Variants in SEMA3E observed in about 807,000 individuals in gnomAD.
The protein encoded by SEMA3E is semaphorin-3E.
In SEMA3E, 49 loss-of-function variants were observed where a neutral mutation model predicts 93.6. The ratio of observed to expected loss-of-function variants is 0.52; its 90% confidence interval spans 0.42 to 0.66. The LOEUF (loss-of-function observed/expected upper bound fraction) is 0.66. SEMA3E is among the 30% of genes least tolerant of loss of function. The pLI is 0.00. For synonymous variants in SEMA3E, 363 were observed against 330.7 expected, an observed-to-expected ratio of 1.10 and a Z score of -1.06; for missense variants, 906 against 964.8, an observed-to-expected ratio of 0.94 and a Z score of 0.81.
chr7:83,468,765 A>T (rs1231812631), intron 3 of SEMA3E, among the ~76,000 whole-genome samples: 1 of 152,188 alleles, frequency 6.6e-6, no homozygotes, highest in Non-Finnish European at 1.5e-5. Context: ...ACAGAAAGAG[A>T]GAATAATGCT....
chr7:83,386,840 CAT>C, intron 15 of SEMA3E, 141 bp downstream of exon 15: 1 of 773,020 alleles, frequency 1.3e-6, no homozygotes, highest in South Asian at 1.8e-5. Flanking sequence ...ATTTTAACTA[CAT>C]GTCAGAGAAA....
chr7:83,610,105 G>T (rs1351290874), intron 1 of SEMA3E, among the ~76,000 whole-genome samples: 1 of 151,982 alleles, frequency 6.6e-6, no homozygotes, highest in African/African-American at 2.4e-5. Flanking sequence ...TAAAGCACAA[G>T]ACTTTATTAA....
At chr7:83,528,735 C>A (rs1274862084) in intron 1 of SEMA3E, among the ~76,000 whole-genome samples, 3 of 151,996 alleles carry the variant, frequency 2.0e-5, no homozygotes, top group Admixed American at 1.3e-4. Flanking sequence ...ATCTAGTTAA[C>A]ATAATTAGGG....
intron 1 of SEMA3E, among the ~76,000 whole-genome samples, chr7:83,625,084 A>G (rs908822769): frequency 6.6e-6 from 1 of 152,140 alleles, no homozygotes; most frequent in African/African-American, 2.4e-5. Flanking sequence ...ATTGGCCTAC[A>G]TATCTGTTTT....
chr7:83,465,391 G>A (rs1378963538), intron 4 of SEMA3E, among the ~76,000 whole-genome samples: 1 of 152,044 alleles, frequency 6.6e-6, no homozygotes, highest in African/African-American at 2.4e-5. Context: ...TGAAACTAAT[G>A]ATAAAATCTC....
chr7:83,611,648 C>T (rs1793269883), intron 1 of SEMA3E, among the ~76,000 whole-genome samples: 1 of 151,704 alleles, frequency 6.6e-6, no homozygotes, highest in African/African-American at 2.4e-5. Context: ...AATCTACTGG[C>T]AAAGCCCATC....
At chr7:83,399,964 T>C (rs2255906) in intron 11 of SEMA3E, 64 bp downstream of exon 11, 4 of 1,235,182 alleles carry the variant, frequency 3.2e-6, no homozygotes, top group Non-Finnish European at 4.8e-6. Flanking sequence ...TTTAGAAATA[T>C]TATTAAAATT....
chr7:83,371,523 T>C (rs981948294), intron 16 of SEMA3E: 2 of 152,204 alleles, frequency 1.3e-5, no homozygotes, highest in East Asian at 1.9e-4. Flanking sequence ...TTAATTTTGG[T>C]TCAATATTTT....
At chr7:83,508,555 C>T (rs1790750533) in intron 1 of SEMA3E, among the ~76,000 whole-genome samples, 2 of 152,108 alleles carry the variant, frequency 1.3e-5, no homozygotes, top group Admixed American at 1.3e-4. Flanking sequence ...AGCCACTGCG[C>T]CTGGCTTATA....
intron 1 of SEMA3E, among the ~76,000 whole-genome samples, chr7:83,545,564 A>AG (rs1393600806): frequency 0.11 from 15,569 of 147,796 alleles, 957 homozygotes; most frequent in East Asian, 0.19. Flanking sequence ...AAAAAAAAAA[A>AG]AAAAAGAAAT....
chr7:83,427,340 T>G (rs1788793635), intron 4 of SEMA3E, among the ~76,000 whole-genome samples: 1 of 152,188 alleles, frequency 6.6e-6, no homozygotes, highest in African/African-American at 2.4e-5. Context: ...TGATCTTTTG[T>G]TCCATGGTTT....
intron 1 of SEMA3E, among the ~76,000 whole-genome samples, chr7:83,632,027 T>G (rs1793795382): frequency 6.6e-6 from 1 of 151,862 alleles, no homozygotes; most frequent in African/African-American, 2.4e-5. Context: ...TGGTGGTACG[T>G]GCCTGTAATC....
intron 16 of SEMA3E, among the ~76,000 whole-genome samples, chr7:83,378,094 AC>A (rs2116906157): frequency 6.6e-6 from 1 of 151,952 alleles, no homozygotes; most frequent in African/African-American, 2.4e-5. Flanking sequence ...TGATTTATAC[AC>A]CCTTCATAGA....
rs546843867 is a variant in SEMA3E, at chr7:83,398,869, G to A, written c.1366+1159C>T. 2.2e-4 allele frequency among the ~76,000 whole-genome samples: 33 copies of A among 152,202 alleles called. No individual in the cohort carries two copies. In the East Asian group the frequency reaches 4.7e-3, roughly 22 times the overall value. ...TGAAGCAGGAGAATCGCTTGAGCCC[G>A]GGAGGCAGAGTTTGCAGTGAGCCAA... On this transcript the variant is annotated intron_variant, in intron 11 of 16. Transcript: ENST00000643230.
At chr7:83,423,373 C>T (rs1348249286) in intron 4 of SEMA3E, among the ~76,000 whole-genome samples, 1 of 152,098 alleles carries the variant, frequency 6.6e-6, no homozygotes, top group Non-Finnish European at 1.5e-5. Context: ...CACTTTTCTC[C>T]AGAAGACTTC....
intron 4 of SEMA3E, among the ~76,000 whole-genome samples, chr7:83,457,114 T>C (rs1220218538): frequency 6.6e-6 from 1 of 152,126 alleles, no homozygotes; most frequent in Non-Finnish European, 1.5e-5. Context: ...TTTCTCTGAG[T>C]GCTCATGACA....
chr7:83,535,711 T>C (rs578026547), intron 1 of SEMA3E, among the ~76,000 whole-genome samples: 1 of 152,286 alleles, frequency 6.6e-6, no homozygotes, highest in African/African-American at 2.4e-5. Flanking sequence ...TACTTTAATA[T>C]TTTATTTTCT....
At chr7:83,619,170 AT>A (rs1793491950) in intron 1 of SEMA3E, among the ~76,000 whole-genome samples, 1 of 151,822 alleles carries the variant, frequency 6.6e-6, no homozygotes, top group Admixed American at 6.6e-5. Flanking sequence ...CTTATTATGT[AT>A]TAAATTTATG....
intron 14 of SEMA3E, among the ~76,000 whole-genome samples, chr7:83,391,902 A>T (rs1038942193): frequency 6.6e-6 from 1 of 152,084 alleles, no homozygotes; most frequent in East Asian, 1.9e-4. Context: ...TTATTCTGTA[A>T]GAAATAAAAA....
Sources: gnomAD v4.1 joint callset for allele counts (sites outside exome capture counted in the v4.1 genomes callset) on GRCh38, gnomAD v4.1.1 for gene constraint, MANE v1.5 for transcripts, NCBI Gene and HGNC (gene_info 2026-07-23, HGNC 2026-07-21) for gene names.